Variants in TAPT1 observed in about 807,000 individuals in gnomAD.
The protein encoded by TAPT1 is transmembrane anterior posterior transformation 1.
A neutral mutation model predicts 65.6 loss-of-function variants in TAPT1; 28 were observed. That is an observed-to-expected ratio of 0.43 (90% CI 0.32 to 0.59). The LOEUF is 0.59. TAPT1 is among the 20% of genes least tolerant of loss of function. The probability of loss-of-function intolerance (pLI) is 0.09; values close to 1 mark genes in which losing one functional copy is unlikely to be tolerated. For synonymous variants in TAPT1, 278 were observed against 245.2 expected (o/e 1.13, Z -1.25); for missense variants, 563 against 679.9 (o/e 0.83, Z 1.91).
In TAPT1 at chr4:16,163,374, G is replaced by A. The variant is rs1400493375; in HGVS notation, c.1638C>T (p.His546=). 11 of 1,613,874 alleles carry A rather than the reference G, an allele frequency of 6.8e-6. No homozygotes were observed. The highest frequency in any genetic ancestry group is 9.3e-6 in the Non-Finnish European group (11 of 1,179,896). The change falls in exon 14 of 14, where the codon CAC becomes CAT. Residue 546 remains histidine, a synonymous_variant. Coordinates refer to ENST00000405303, the MANE Select transcript of TAPT1 (RefSeq NM_153365.3). ...DITQDNSELK[H]RSSKKDLLEI... is the part of the protein sequence containing the mutation. The stretch of plus-strand genomic sequence containing the variant: ...CTAACAAATCTTTCTTTGAGGATCT[G>A]TGTTTTAATTCAGAATTGTCCTGCG...
Position 16,162,150 on chromosome 4 carries a change from C to T in TAPT1, c.*1158G>A, listed in dbSNP as rs892936018. ...ACAGATGCCTCCCCACACCAACAGC[C>T]ACCCATACGCCTCAAACACCCCATT... On this transcript the variant is annotated 3_prime_UTR_variant, in exon 14 of 14. Transcript: ENST00000405303. 1.3e-5 allele frequency: 2 copies of T among 152,768 alleles called. No individual in the cohort carries two copies. Among genetic ancestry groups the T allele is most frequent in the African/African-American group, 4.8e-5 (2 of 41,444 alleles). 9.5% of individuals were successfully genotyped at this position (152,768 alleles called of 1,614,324 possible).
chr4:16,173,593 T>C (rs1245574248), intron 11 of TAPT1, among the ~76,000 whole-genome samples: 2 of 152,188 alleles, frequency 1.3e-5, no homozygotes, highest in African/African-American at 2.4e-5. Context: ...GGAATTTTCA[T>C]TGCAAAAAGT....
Position 16,213,856 on chromosome 4 carries a change from C to T in TAPT1, c.242G>A (p.Gly81Glu), listed in dbSNP as rs900553486. 1 of 1,609,198 alleles carries T rather than the reference C, an allele frequency of 6.2e-7. No individual in the cohort carries two copies. The highest frequency in any genetic ancestry group is 1.3e-5 in the African/African-American group (1 of 74,216). The change falls in exon 2 of 14, where the codon GGG (glycine) becomes GAG (glutamate). Residue 81 changes from glycine to glutamate, a missense_variant. By Grantham distance (98) the Gly-to-Glu change is moderately conservative. Coordinates refer to ENST00000405303, the MANE Select transcript of TAPT1 (RefSeq NM_153365.3). ...GGCCTCATTATGTTCAAGGAAGTACCCTCTTGTTAGTTCAGCACTGAGGAA... is the reference window on the plus strand; with the variant it reads ...GGCCTCATTATGTTCAAGGAAGTACTCTCTTGTTAGTTCAGCACTGAGGAA... ...LRFLSAELTR[G>E]YFLEHNEAKY...
chr4:16,191,566 T>C, intron 3 of TAPT1, 43 bp from the exon 4 acceptor site: 1 of 1,518,720 alleles, frequency 6.6e-7, no homozygotes, highest in Middle Eastern at 2.0e-4. Flanking sequence ...TTTTACTCTG[T>C]ATGTTCTCAC....
At chr4:16,170,916 A>C (rs1747951435) in intron 11 of TAPT1, among the ~76,000 whole-genome samples, 187 bp from the exon 12 acceptor site, 2 of 152,206 alleles carry the variant, frequency 1.3e-5, no homozygotes, top group Admixed American at 1.3e-4. Flanking sequence ...CTGCTTGTGA[A>C]ACCTTCTGTG....
chr4:16,202,470 A>G lies in TAPT1; in HGVS notation c.441T>C (p.Tyr147=). 6.5e-7 allele frequency: 1 copy of G among 1,539,502 alleles called. No homozygotes were observed. Among genetic ancestry groups the G allele is most frequent in the Non-Finnish European group, 8.8e-7 (1 of 1,136,260 alleles). The part of the protein sequence containing the change: ...ALFRLLTLPC[Y]GLRDRRLLQP... ...AACGATCTTAAACTTACCTTAAGCC[A>G]TAGCAAGGCAAAGTGAGGAGCCTGA... Residue 147 remains tyrosine, a synonymous_variant, in exon 3 of 14, where the codon TAT becomes TAC. Transcript: ENST00000405303.
At chr4:16,173,951 AAG>A (rs1284032844) in intron 11 of TAPT1, among the ~76,000 whole-genome samples, 1 of 152,230 alleles carries the variant, frequency 6.6e-6, no homozygotes, top group Non-Finnish European at 1.5e-5. Context: ...ATAAGCAAAA[AAG>A]AGTATTCTCA....
At chr4:16,181,104 A>G (rs943235401) in intron 7 of TAPT1, among the ~76,000 whole-genome samples, 1 of 152,226 alleles carries the variant, frequency 6.6e-6, no homozygotes, top group Non-Finnish European at 1.5e-5. Context: ...GCCCTAGAAT[A>G]AGTTCCATCA....
Position 16,166,698 on chromosome 4 carries a change from G to C in TAPT1, c.1409C>G (p.Pro470Arg), listed in dbSNP as rs1202265438. 1.2e-6 allele frequency: 2 copies of C among 1,613,874 alleles called. No individual in the cohort carries two copies. Among genetic ancestry groups the C allele is most frequent in the African/African-American group, 2.7e-5 (2 of 74,914 alleles). Residue 470 changes from proline (P) to arginine (R), a missense_variant, in exon 13 of 14, where the codon CCT becomes CGT. Pro to Arg is a moderately radical substitution (Grantham distance 103). Transcript: ENST00000405303. ...CTTGCCTGGAGTGCAGGTTGCGGGA[G>C]GATTCGACAGCTTCTCTTCCATTTT... The part of the protein sequence containing the change: ...EAKMEEKLSN[P>R]PATCTPGKPS...
Position 16,186,466 on chromosome 4 carries a change from A to G in TAPT1, c.916+69T>C, listed in dbSNP as rs148327267. On this transcript the variant is annotated intron_variant, in intron 7 of 13. Coordinates refer to ENST00000405303, the MANE Select transcript of TAPT1 (RefSeq NM_153365.3). ...AAGAGTGGCCCAGAGAAAATGTGCC[A>G]TTAGGATTTCAGAATGAACTGCAAA... 5.1e-4 allele frequency: 516 copies of G among 1,018,812 alleles called. 3 individuals carry two copies. In the African/African-American group the frequency reaches 7.3e-3, roughly 15 times the overall value. The allele number at this position is 1,018,812 out of a possible 1,614,324, so 63.1% of individuals were successfully genotyped here.
rs547352823 is a variant in TAPT1 at position 16,173,804 on chromosome 4, T to C, written c.1236+400A>G. Among the ~76,000 whole-genome samples, 5 of 152,358 alleles carry C rather than the reference T, an allele frequency of 3.3e-5. No homozygotes were observed. In the South Asian group the frequency reaches 1.0e-3, roughly 32 times the overall value. ...GGATAATTCCTAGAAATGAAATGAC[T>C]GAATTAAAGCATGATACTGTCACAT... On this transcript the variant is annotated intron_variant, in intron 11 of 13. Coordinates refer to ENST00000405303, the MANE Select transcript of TAPT1 (RefSeq NM_153365.3).
In TAPT1 at chr4:16,163,431, C is replaced by G. The variant is rs777380785; in HGVS notation, c.1581G>C (p.Leu527Phe). Residue 527 changes from leucine to phenylalanine, a missense_variant, in exon 14 of 14, where the codon TTG (leucine) becomes TTC (phenylalanine). Leu to Phe is a conservative substitution (Grantham distance 22, BLOSUM62 0). Around this residue, in one of 5 missense-constraint regions of TAPT1, gnomAD observed 136 missense variants for 153.9 expected, o/e 0.88. Transcript: ENST00000405303. ...CCTTCTCGTCACCATCTGGAGTTGT[C>G]AAAAACTGATCAGAATTGCTTGTCA... ...LLVTSNSDQF[L>F]TTPDGDEKDI... is the part of the protein sequence containing the mutation. The G allele has an allele frequency of 1.9e-6, 3 of 1,613,938 alleles. No homozygotes were observed. In the Admixed American group the frequency reaches 5.0e-5, roughly 27 times the overall value.
chr4:16,171,313 C>T (rs78772439), intron 11 of TAPT1, among the ~76,000 whole-genome samples: 8,067 of 152,226 alleles, frequency 0.053, 237 homozygotes, highest in Middle Eastern at 0.14. Context: ...TGAAACAGTT[C>T]TCTCTTTTGG....
Position 16,162,755 on chromosome 4 carries a change from T to C in TAPT1, c.*553A>G, listed in dbSNP as rs993204937. 3 of 177,012 alleles carry C rather than the reference T, an allele frequency of 1.7e-5. No individual in the cohort carries two copies. Among genetic ancestry groups the C allele is most frequent in the Admixed American group, 5.7e-5 (1 of 17,484 alleles). 11.0% of individuals were successfully genotyped at this position (177,012 alleles called of 1,614,324 possible). A position where few individuals can be genotyped will look rare whatever the true frequency, so the allele number is the denominator to read the frequency against. ...ACTATTCATCATGTCTTATTTAAGG[T>C]AGCCTTTTATTCTGATTAATTAAGA... On this transcript the variant is annotated 3_prime_UTR_variant, in exon 14 of 14. Transcript: ENST00000405303.
At chr4:16,177,819 G>GT (rs113909054) in intron 8 of TAPT1, among the ~76,000 whole-genome samples, 30 of 148,768 alleles carry the variant, frequency 2.0e-4, no homozygotes, top group Admixed American at 4.0e-4. Flanking sequence ...CACTTTGTTG[G>GT]TTTTTTTTTT....
chr4:16,171,478 T>C (rs369206845), intron 11 of TAPT1, among the ~76,000 whole-genome samples: 2 of 152,022 alleles, frequency 1.3e-5, no homozygotes, highest in Non-Finnish European at 2.9e-5. Flanking sequence ...AAAAGAGAAA[T>C]AGAGAATTAG....
At chr4:16,179,042 A>C (rs1748538388) in intron 8 of TAPT1, 1 of 152,436 alleles carries the variant, frequency 6.6e-6, no homozygotes, top group South Asian at 2.1e-4. Context: ...ATCCCACTAC[A>C]CCACAGAAAA....
chr4:16,211,792 C>A (rs1750667017), intron 2 of TAPT1, among the ~76,000 whole-genome samples: 1 of 152,092 alleles, frequency 6.6e-6, no homozygotes, highest in Admixed American at 6.5e-5. Flanking sequence ...AAAAAAAATT[C>A]TGATGGCAAC....
intron 1 of TAPT1, chr4:16,226,052 G>C: frequency 9.9e-7 from 1 of 1,013,172 alleles, no homozygotes; most frequent in Non-Finnish European, 1.2e-6. Flanking sequence ...GGGGGCCTCG[G>C]GGCTGCGCGC....
Sources: gnomAD v4.1 joint callset for allele counts (sites outside exome capture counted in the v4.1 genomes callset) on GRCh38, gnomAD v4.1.1 for gene constraint, gnomAD v4.1.1 regional missense constraint, MANE v1.5 for transcripts, NCBI Gene and HGNC (gene_info 2026-07-23, HGNC 2026-07-21) for gene names.